COL19A1: variants seen among roughly 807,000 people sequenced by gnomAD.
COL19A1 encodes the protein collagen type XIX alpha 1 chain.
In COL19A1, 159 loss-of-function variants were observed where a neutral mutation model predicts 190.2. That is an observed-to-expected ratio of 0.84 (90% CI 0.73 to 0.95). The LOEUF (loss-of-function observed/expected upper bound fraction) is 0.95, where lower values mean the gene tolerates loss of function less well. Among genes scored for constraint, COL19A1 ranks in the 40% least tolerant of loss-of-function variants. The pLI is 0.00. For missense variants in COL19A1, 1,418 were observed against 1,431.9 expected, an observed-to-expected ratio of 0.99 and a Z score of 0.16; for synonymous variants, 509 against 458.9, an observed-to-expected ratio of 1.11 and a Z score of -1.39.
chr6:69,902,394 T>C (rs965500545), intron 4 of COL19A1, among the ~76,000 whole-genome samples: 2 of 152,174 alleles, frequency 1.3e-5, no homozygotes, highest in Non-Finnish European at 2.9e-5. Context: ...AGGAGAGACC[T>C]AATGAGTATG....
intron 9 of COL19A1, among the ~76,000 whole-genome samples, chr6:69,957,721 T>C (rs888275986): frequency 2.6e-5 from 4 of 151,908 alleles, no homozygotes; most frequent in Admixed American, 2.0e-4. Flanking sequence ...GCAGCAGGAG[T>C]TCAGAAAAGA....
intron 11 of COL19A1, among the ~76,000 whole-genome samples, chr6:70,008,844 A>G (rs1416083511): frequency 1.3e-5 from 2 of 152,016 alleles, no homozygotes; most frequent in African/African-American, 4.8e-5. Context: ...AGAAACAATT[A>G]TAAACCTTGA....
At chr6:70,143,496 A>G (rs1176155640) in intron 23 of COL19A1, among the ~76,000 whole-genome samples, 1 of 152,114 alleles carries the variant, frequency 6.6e-6, no homozygotes, top group Admixed American at 6.6e-5. Flanking sequence ...ACTGATCACT[A>G]TCTGACTATG....
intron 1 of COL19A1, among the ~76,000 whole-genome samples, chr6:69,876,017 T>G (rs183970857): frequency 1.3e-5 from 2 of 150,844 alleles, no homozygotes; most frequent in Admixed American, 1.3e-4. Context: ...TCTGAGAGAG[T>G]GTCAGATCAG....
rs1786524170 is a variant in COL19A1, at chr6:70,144,991, G to T, written c.1754G>T (p.Ser585Ile). 2 of 1,589,318 alleles carry T rather than the reference G, an allele frequency of 1.3e-6. No homozygotes were observed. The highest frequency in any genetic ancestry group is 1.3e-5 in the African/African-American group (1 of 74,356). Residue 585 changes from serine to isoleucine, a missense_variant, in exon 25 of 51, where the codon AGC (serine) becomes ATC (isoleucine). Ser to Ile is a moderately radical substitution (Grantham distance 142, BLOSUM62 -2). Transcript: ENST00000620364. ...GGTGAGGCTGGTCCTCCAGGGAAAA[G>T]CCTGCCAGGGGAACCAGTAAGTATT... ...PKGEAGPPGK[S>I]LPGEPGLDGN...
At chr6:70,205,988 C>T (rs372149688) in intron 49 of COL19A1, among the ~76,000 whole-genome samples, 29 of 152,224 alleles carry the variant, frequency 1.9e-4, no homozygotes, top group African/African-American at 6.3e-4. Context: ...GATGTTTAAA[C>T]GTTACTTAGA....
At position 70,211,924 on chromosome 6, in the gene COL19A1, C is replaced by A. The variant is rs745441834; in HGVS notation, c.*4650C>A. Reference sequence around the variant, plus strand: ...GAAAATCTAAATGGAAAAAAAATTGCGTGTTCAGATCCAATAGTGAGTGAT... The same window carrying A: ...GAAAATCTAAATGGAAAAAAAATTGAGTGTTCAGATCCAATAGTGAGTGAT... On this transcript the variant is annotated 3_prime_UTR_variant, in exon 51 of 51. Transcript: ENST00000620364. Among the ~76,000 whole-genome samples, 3 of 152,010 alleles carry A rather than the reference C, an allele frequency of 2.0e-5. No individual in the cohort carries two copies. Among genetic ancestry groups the A allele is most frequent in the Non-Finnish European group, 4.4e-5 (3 of 67,982 alleles).
At chr6:70,119,524 A>T (rs1394431821) in intron 16 of COL19A1, among the ~76,000 whole-genome samples, 1 of 152,230 alleles carries the variant, frequency 6.6e-6, no homozygotes. Context: ...CATCATCATG[A>T]TAAGAAAATT....
intron 11 of COL19A1, among the ~76,000 whole-genome samples, chr6:69,972,304 A>G (rs1775473022): frequency 6.6e-6 from 1 of 152,192 alleles, no homozygotes; most frequent in African/African-American, 2.4e-5. Flanking sequence ...AGCATTTACC[A>G]CAATTTATAA....
At chr6:70,186,096 T>C (rs1287825085) in intron 46 of COL19A1, among the ~76,000 whole-genome samples, 2 of 152,188 alleles carry the variant, frequency 1.3e-5, no homozygotes, top group African/African-American at 2.4e-5. Flanking sequence ...TGATCTTTTC[T>C]TGTCTGTAAA....
At position 69,922,487 on chromosome 6, in the gene COL19A1, T is replaced by G. The variant is rs1376604860; in HGVS notation, c.267-5422T>G. Among the ~76,000 whole-genome samples, 4 of 146,132 alleles carry G rather than the reference T, an allele frequency of 2.7e-5. No homozygotes were observed. The South Asian group carries it at 8.8e-4, about 32-fold the overall frequency. On this transcript the variant is annotated intron_variant, in intron 4 of 50. Transcript: ENST00000620364. ...AATAATTCTATTTAGGTTTTTTTTTTTTTTTTTTTTTGATATGGAGTCTTA... is the reference window on the plus strand; with the variant it reads ...AATAATTCTATTTAGGTTTTTTTTTGTTTTTTTTTTTGATATGGAGTCTTA...
chr6:69,946,022 C>T (rs955533641), intron 9 of COL19A1, among the ~76,000 whole-genome samples: 2 of 151,792 alleles, frequency 1.3e-5, no homozygotes, highest in Admixed American at 1.3e-4. Flanking sequence ...GGAAGCTGAT[C>T]ATTGGATTGA....
intron 1 of COL19A1, among the ~76,000 whole-genome samples, chr6:69,867,078 C>A (rs917249866): frequency 7.0e-6 from 1 of 142,774 alleles, no homozygotes; most frequent in Non-Finnish European, 1.5e-5. Context: ...ACTATCAATT[C>A]ATGCCGTTAG....
chr6:70,000,025 C>T (rs537255855), intron 11 of COL19A1, among the ~76,000 whole-genome samples: 4 of 152,116 alleles, frequency 2.6e-5, no homozygotes, highest in Non-Finnish European at 5.9e-5. Context: ...CCCTCCATCC[C>T]TCAACAGCCC....
chr6:70,199,697 G>T lies in COL19A1; in HGVS notation c.3184G>T (p.Asp1062Tyr). ...TGGGAGACCTGGGCCACCAGGGAAG[G>T]ATGGGTTGCCTGGGCCACCAGGAGA... is the stretch of plus-strand genomic sequence containing the variant. The part of the protein sequence containing the change: ...AYGRPGPPGK[D>Y]GLPGPPGDPG... Residue 1062 changes from aspartate to tyrosine, a missense_variant, in exon 49 of 51, where the codon GAT becomes TAT. Physicochemically the swap from Asp to Tyr is radical, Grantham distance 160. Transcript: ENST00000620364. The T allele has an allele frequency of 6.2e-7, 1 of 1,611,012 alleles. No individual in the cohort carries two copies. The highest frequency in any genetic ancestry group is 1.1e-5 in the South Asian group (1 of 90,528).
chr6:69,891,275 T>A (rs1769334390), intron 2 of COL19A1: 1 of 153,052 alleles, frequency 6.5e-6, no homozygotes, highest in Non-Finnish European at 1.5e-5. Flanking sequence ...CTGAGCCCAA[T>A]CCTAAACCAA....
rs1785116978 is a variant in COL19A1 at position 70,125,106 on chromosome 6, A to ATTTTGCG, written c.1341+3164_1341+3165insTTTTGCG. ...GTCTGTTTTTGGACACTGAGATTGC[A>ATTTTGCG]ATTTGTAGTGTGCCAGATGGTCTGA... On this transcript the variant is annotated intron_variant, in intron 17 of 50. Coordinates refer to ENST00000620364, the MANE Select transcript of COL19A1 (RefSeq NM_001858.6). Among the ~76,000 whole-genome samples, 5 of 101,954 alleles carry ATTTTGCG rather than the reference A, an allele frequency of 4.9e-5. No individual in the cohort carries two copies. In the East Asian group the frequency reaches 7.6e-4, roughly 16 times the overall value. The allele number at this position is 101,954 out of a possible 152,430, so 66.9% of individuals were successfully genotyped here.
intron 4 of COL19A1, among the ~76,000 whole-genome samples, chr6:69,904,170 C>T (rs1036915407): frequency 3.6e-4 from 55 of 152,288 alleles, no homozygotes; most frequent in African/African-American, 1.2e-3. Flanking sequence ...GGAAAGCGTT[C>T]ATCATCTGGC....
intron 47 of COL19A1, 98 bp downstream of exon 47, chr6:70,188,343 C>A: frequency 1.5e-6 from 2 of 1,373,870 alleles, no homozygotes; most frequent in Non-Finnish European, 1.9e-6. Flanking sequence ...ATAAATAAAA[C>A]AAACCTAAAC....
Sources: allele counts gnomAD v4.1 joint callset (sites outside exome capture counted in the v4.1 genomes callset), GRCh38; gene constraint gnomAD v4.1.1; transcripts MANE v1.5; gene names NCBI Gene and HGNC (gene_info 2026-07-23, HGNC 2026-07-21).